AP4S1: variants seen among roughly 807,000 people sequenced by gnomAD.
The protein encoded by AP4S1 is adaptor related protein complex 4 subunit sigma 1, also known as AP-4 complex subunit sigma-1.
AP4S1 carries 23 observed loss-of-function variants against 19.8 expected under a neutral mutation model. The observed-to-expected ratio is 1.16, with a 90% CI of 0.84 to 1.65. The LOEUF is 1.65. AP4S1 is among the 40% of genes most tolerant of loss of function. The probability of loss-of-function intolerance (pLI) is 0.00; values close to 1 mark genes in which losing one functional copy is unlikely to be tolerated. For synonymous variants in AP4S1, 46 were observed against 54.1 expected, an observed-to-expected ratio of 0.85 and a Z score of 0.66; for missense variants, 166 against 172.8, an observed-to-expected ratio of 0.96 and a Z score of 0.22.
chr14:31,049,459 A>ATG (rs1885643465), intron 1 of AP4S1, among the ~76,000 whole-genome samples: 1 of 74,430 alleles, frequency 1.3e-5, no homozygotes, highest in African/African-American at 5.8e-5. Flanking sequence ...ATATATATAT[A>ATG]TATGTATATA....
intron 5 of AP4S1, chr14:31,085,706 G>A: frequency 1.4e-6 from 1 of 708,346 alleles, no homozygotes; most frequent in Non-Finnish European, 1.7e-6. Flanking sequence ...CTGGGGGACT[G>A]AGGCTGCAGT....
chr14:31,064,589 T>C (rs535460789), intron 1 of AP4S1, among the ~76,000 whole-genome samples: 37 of 152,172 alleles, frequency 2.4e-4, no homozygotes, highest in Non-Finnish European at 4.3e-4. Context: ...CCCAAAATGC[T>C]GGGATTACAG....
intron 1 of AP4S1, among the ~76,000 whole-genome samples, chr14:31,063,072 G>A (rs897287575): frequency 2.5e-4 from 38 of 151,982 alleles, no homozygotes; most frequent in Non-Finnish European, 2.9e-5. Flanking sequence ...AAGGCAGGAG[G>A]ACCCCTTGAG....
intron 2 of AP4S1, among the ~76,000 whole-genome samples, chr14:31,067,200 C>T (rs573575365): frequency 1.1e-4 from 11 of 100,076 alleles, no homozygotes; most frequent in African/African-American, 3.4e-4. Context: ...AAGAGCAAAA[C>T]TCTGTCTCAA....
intron 5 of AP4S1, among the ~76,000 whole-genome samples, chr14:31,081,954 C>T (rs1887659845): frequency 6.6e-6 from 1 of 152,102 alleles, no homozygotes; most frequent in Non-Finnish European, 1.5e-5. Flanking sequence ...GCCTCAGCCT[C>T]CCAAAGTGCT....
chr14:31,076,234 T>C (rs1455635178), intron 4 of AP4S1, among the ~76,000 whole-genome samples: 1 of 152,184 alleles, frequency 6.6e-6, no homozygotes, highest in Middle Eastern at 3.2e-3. Flanking sequence ...TGCCAAACTG[T>C]TTTCCAAAGT....
chr14:31,026,415 G>C, intron 1 of AP4S1: 1 of 204,378 alleles, frequency 4.9e-6, no homozygotes, highest in South Asian at 8.7e-5. Flanking sequence ...GGAAGGGGGG[G>C]CCTCGGCGGG....
chr14:31,049,188 T>C (rs8020210), intron 1 of AP4S1, among the ~76,000 whole-genome samples: 135,079 of 151,380 alleles, frequency 0.89, 60,409 homozygotes, highest in South Asian at 0.93. Context: ...TCGAGGCGGG[T>C]GGATCATGAG....
At chr14:31,067,186 C>T (rs1246841265) in intron 2 of AP4S1, among the ~76,000 whole-genome samples, 1 of 141,766 alleles carries the variant, frequency 7.1e-6, no homozygotes, top group African/African-American at 2.6e-5. Context: ...CCAGCCTGAG[C>T]GACAAGAGCA....
intron 1 of AP4S1, among the ~76,000 whole-genome samples, chr14:31,029,226 T>A (rs760667965): frequency 2.6e-5 from 4 of 152,208 alleles, no homozygotes; most frequent in African/African-American, 7.2e-5. Flanking sequence ...ACCTCCATTC[T>A]ACCCCCACTT....
chr14:31,084,764 T>C (rs1194855280), intron 5 of AP4S1: 20 of 1,614,178 alleles, frequency 1.2e-5, no homozygotes, highest in Non-Finnish European at 1.7e-5. Context: ...AGGTGTTTTT[T>C]TTAGGAACCA....
chr14:31,052,516 G>C (rs1390652557), intron 1 of AP4S1, among the ~76,000 whole-genome samples: 2 of 151,992 alleles, frequency 1.3e-5, no homozygotes, highest in Non-Finnish European at 2.9e-5. Flanking sequence ...CCTGAGGTCA[G>C]GAGTTCGAGA....
At chr14:31,072,529 C>T (rs1384456577) in intron 3 of AP4S1, among the ~76,000 whole-genome samples, 3 of 152,122 alleles carry the variant, frequency 2.0e-5, no homozygotes, top group Non-Finnish European at 4.4e-5. Context: ...CACCACCACA[C>T]CTGGCTAGTT....
At chr14:31,084,633 TC>T in intron 5 of AP4S1, 8 of 1,419,784 alleles carry the variant, frequency 5.6e-6, no homozygotes, top group Non-Finnish European at 7.7e-6. Flanking sequence ...ACTCTTCAGT[TC>T]CACTCCACCC....
At chr14:31,064,760 C>A (rs183448378) in intron 1 of AP4S1, among the ~76,000 whole-genome samples, 2 of 152,126 alleles carry the variant, frequency 1.3e-5, no homozygotes, top group African/African-American at 4.8e-5. Context: ...TGTTCAAGAA[C>A]GGCTGGCAAT....
At chr14:31,086,227 C>T (rs187751767) in intron 5 of AP4S1, 2 of 152,302 alleles carry the variant, frequency 1.3e-5, no homozygotes, top group Non-Finnish European at 2.9e-5. Flanking sequence ...ATAGGAATAC[C>T]AGCCAGAAGA....
intron 1 of AP4S1, among the ~76,000 whole-genome samples, chr14:31,061,385 A>C (rs1886430899): frequency 2.0e-5 from 3 of 152,176 alleles, no homozygotes; most frequent in Admixed American, 2.0e-4. Context: ...TTTTGTGCTC[A>C]AAGAGGCTGT....
chr14:31,089,532 GT>G (rs573535677), intron 5 of AP4S1, among the ~76,000 whole-genome samples: 52 of 152,334 alleles, frequency 3.4e-4, no homozygotes, highest in African/African-American at 1.2e-3. Flanking sequence ...GTGCTGCTCA[GT>G]TTCTCACTTG....
At chr14:31,059,700 C>T (rs1886316001) in intron 1 of AP4S1, among the ~76,000 whole-genome samples, 1 of 152,066 alleles carries the variant, frequency 6.6e-6, no homozygotes, top group South Asian at 2.1e-4. Flanking sequence ...TGCAATCCCA[C>T]CCACAGCCAT....
Sources: gnomAD v4.1 joint callset for allele counts (sites outside exome capture counted in the v4.1 genomes callset) on GRCh38, gnomAD v4.1.1 for gene constraint, MANE v1.5 for transcripts, NCBI Gene and HGNC (gene_info 2026-07-23, HGNC 2026-07-21) for gene names.